Variants in DYDC2 observed in about 807,000 individuals in gnomAD.
The protein encoded by DYDC2 is DPY30 domain-containing protein 2.
DYDC2 carries 19 observed loss-of-function variants against 18.7 expected under a neutral mutation model. The observed-to-expected ratio is 1.02, with a 90% CI of 0.71 to 1.49. The LOEUF (loss-of-function observed/expected upper bound fraction) is 1.49, where lower values mean the gene tolerates loss of function less well. DYDC2 is among the 40% of genes most tolerant of loss of function. The pLI, the probability that DYDC2 is intolerant of heterozygous loss-of-function variation, is 0.00. For missense variants in DYDC2, 179 were observed against 205.1 expected, an observed-to-expected ratio of 0.87 and a Z score of 0.78; for synonymous variants, 63 against 67.6, an observed-to-expected ratio of 0.93 and a Z score of 0.34.
chr10:80,350,079 G>A (rs1025870095), intron 1 of DYDC2, among the ~76,000 whole-genome samples: 12 of 152,086 alleles, frequency 7.9e-5, no homozygotes, highest in Non-Finnish European at 1.5e-4. Flanking sequence ...ACTCTCTCAA[G>A]CCTTTCTCTG....
rs1843689882 is a variant in DYDC2 at position 80,362,437 on chromosome 10, T to C, written c.-7T>C. 1 of 1,610,150 alleles carries C rather than the reference T, an allele frequency of 6.2e-7. No individual in the cohort carries two copies. Reference sequence around the variant, plus strand: ...GACTTTGTTTTGATGTTTTCCAGGCTGCCAGGATGGAAACTAACTACCTGA... The same window carrying C: ...GACTTTGTTTTGATGTTTTCCAGGCCGCCAGGATGGAAACTAACTACCTGA... On this transcript the variant is annotated splice_region_variant and 5_prime_UTR_variant, in exon 3 of 5. Coordinates refer to ENST00000256039, the MANE Select transcript of DYDC2 (RefSeq NM_032372.6).
At position 80,362,990 on chromosome 10, in the gene DYDC2, A is replaced by C. The variant is rs748217257; in HGVS notation, c.187A>C (p.Ser63Arg). Residue 63 changes from serine to arginine, a missense_variant, in exon 4 of 5, where the codon AGT becomes CGT. By Grantham distance (110) the Ser-to-Arg change is moderately radical. Transcript: ENST00000256039. ...GATCCACCTGCAGGAGGAATATGAC[A>C]GTAGCCTCAAGGAAATGGAAATGAC... is the stretch of plus-strand genomic sequence containing the variant. The part of the protein sequence containing the change: ...KKIHLQEEYD[S>R]SLKEMEMTEM... 2 of 1,614,072 alleles carry C rather than the reference A, an allele frequency of 1.2e-6. No homozygotes were observed. The highest frequency in any genetic ancestry group is 1.7e-6 in the Non-Finnish European group (2 of 1,180,006).
upstream of DYDC2, chr10:80,356,441 A>G (rs903764468): frequency 7.1e-6 from 7 of 984,960 alleles, no homozygotes; most frequent in Admixed American, 6.2e-5. Flanking sequence ...GTATCTGGCA[A>G]CCTCCCGGGG....
At chr10:80,364,798 G>A (rs1004704801) in intron 4 of DYDC2, among the ~76,000 whole-genome samples, 1 of 152,164 alleles carries the variant, frequency 6.6e-6, no homozygotes, top group African/African-American at 2.4e-5. Context: ...GAAATAAAGA[G>A]AACCCAAGAG....
chr10:80,362,857 G>A, intron 3 of DYDC2, 94 bp from the exon 4 acceptor site: 4 of 1,485,866 alleles, frequency 2.7e-6, no homozygotes, highest in East Asian at 2.3e-5. Flanking sequence ...CAGGCCCAAA[G>A]AGCCCACAGC....
chr10:80,345,762 C>T (rs1160614934), intron 1 of DYDC2, among the ~76,000 whole-genome samples: 1 of 152,056 alleles, frequency 6.6e-6, no homozygotes, highest in African/African-American at 2.4e-5. Flanking sequence ...AATGGCAGGA[C>T]CTACTTCTTT....
chr10:80,352,312 T>C, upstream of DYDC2: 1 of 1,230,368 alleles, frequency 8.1e-7, no homozygotes, highest in Non-Finnish European at 1.1e-6. Flanking sequence ...GTTTTCTCCT[T>C]CCTGCTTTTC....
chr10:80,346,967 C>T (rs988212448), intron 1 of DYDC2, among the ~76,000 whole-genome samples: 3 of 151,932 alleles, frequency 2.0e-5, no homozygotes, highest in Admixed American at 6.6e-5. Flanking sequence ...GTAATCCCAG[C>T]TACTCAGGAG....
upstream of DYDC2, chr10:80,356,685 C>G: frequency 1.0e-6 from 1 of 984,126 alleles, no homozygotes; most frequent in Non-Finnish European, 1.2e-6. Context: ...ATCCCAAAAA[C>G]AGTTCGGGCC....
intron 1 of DYDC2, among the ~76,000 whole-genome samples, chr10:80,357,319 G>A (rs898768259): frequency 1.1e-4 from 17 of 151,970 alleles, no homozygotes; most frequent in African/African-American, 4.1e-4. Flanking sequence ...TGCTCGTGAG[G>A]GGTCGAGGAA....
chr10:80,345,833 A>G (rs763956902), intron 1 of DYDC2, among the ~76,000 whole-genome samples: 5 of 152,186 alleles, frequency 3.3e-5, no homozygotes, highest in African/African-American at 7.2e-5. Context: ...TGTGAGATAT[A>G]TATATACAAG....
rs765892431 is a variant in DYDC2 at position 80,366,743 on chromosome 10, C to A, written c.326C>A (p.Thr109Lys). The A allele has an allele frequency of 6.8e-6, 11 of 1,613,938 alleles. No homozygotes were observed. The highest frequency in any genetic ancestry group is 1.3e-5 in the African/African-American group (1 of 74,906). Reference sequence around the variant, plus strand: ...AAGACCATATTCATGCAGGAGGACACAAACCCCCTTGAGAAGGAGGCCTTG... The same window carrying A: ...AAGACCATATTCATGCAGGAGGACAAAAACCCCCTTGAGAAGGAGGCCTTG... ...TKKTIFMQED[T>K]NPLEKEALKQ... The change falls in exon 5 of 5, where the codon ACA (threonine) becomes AAA (lysine). Residue 109 changes from threonine (T) to lysine (K), a missense_variant. Transcript: ENST00000256039.
At position 80,350,567 on chromosome 10, in the gene DYDC2, G is replaced by A. The variant is rs76326081; in HGVS notation, c.-309-5730G>A. ...AAAATGAAGACTCAGAAGGAGTAGA[G>A]TTTTCAACAGCCCTATCCTTCTAAG... is the stretch of plus-strand genomic sequence containing the variant. On this transcript the variant is annotated intron_variant, in intron 1 of 4. Transcript: ENST00000372197. 7.1e-3 allele frequency among the ~76,000 whole-genome samples: 1,078 copies of A among 152,272 alleles called. 10 individuals are homozygous for A. Among genetic ancestry groups the A allele is most frequent in the African/African-American group, 0.024 (1,017 of 41,550 alleles).
chr10:80,363,406 G>A (rs1054386399), intron 4 of DYDC2, among the ~76,000 whole-genome samples: 2 of 134,888 alleles, frequency 1.5e-5, no homozygotes, highest in Non-Finnish European at 3.0e-5. Context: ...GCACAGTGGA[G>A]CGATCTCGTC....
At chr10:80,352,171 G>A (rs1054242111), upstream of DYDC2, among the ~76,000 whole-genome samples, 3 of 152,130 alleles carry the variant, frequency 2.0e-5, no homozygotes, top group African/African-American at 7.2e-5. Context: ...TCTGAATAAT[G>A]AGCACAATAT....
intron 4 of DYDC2, among the ~76,000 whole-genome samples, chr10:80,364,313 C>CT (rs1843759410): frequency 2.0e-5 from 3 of 152,306 alleles, no homozygotes; most frequent in African/African-American, 7.2e-5. Flanking sequence ...AAGGAACTCT[C>CT]CCTCAGGAAG....
rs192004979 is a variant in DYDC2 at position 80,358,185 on chromosome 10, C to T, written c.-10+140C>T. On this transcript the variant is annotated intron_variant, in intron 2 of 4. Transcript: ENST00000256039. The stretch of plus-strand genomic sequence containing the variant: ...CTGAGGTGAGGAATTCAAAACCAGC[C>T]TGGCCAACATGGAGAAACCCCATCT... 64 of 495,572 alleles carry T rather than the reference C, an allele frequency of 1.3e-4. 2 individuals are homozygous for T. The highest frequency in any genetic ancestry group is 1.3e-3 in the African/African-American group (61 of 47,822). The allele number at this position is 495,572 out of a possible 1,614,324, so 30.7% of individuals were successfully genotyped here. A position where few individuals can be genotyped will look rare whatever the true frequency, so the allele number is the denominator to read the frequency against.
upstream of DYDC2, chr10:80,356,709 C>CA: frequency 1.0e-6 from 1 of 984,178 alleles, no homozygotes; most frequent in Non-Finnish European, 1.2e-6. Context: ...CCGGTGCGCT[C>CA]ACCCCTACAC....
intron 3 of DYDC2, 63 bp from the exon 4 acceptor site, chr10:80,362,888 G>A: frequency 1.9e-6 from 3 of 1,573,862 alleles, no homozygotes; most frequent in Non-Finnish European, 2.6e-6. Context: ...CCCCAGTGAG[G>A]GGGCCCCGTT....
Sources: gnomAD v4.1 joint callset for allele counts (sites outside exome capture counted in the v4.1 genomes callset) on GRCh38, gnomAD v4.1.1 for gene constraint, MANE v1.5 for transcripts, NCBI Gene and HGNC (gene_info 2026-07-23, HGNC 2026-07-21) for gene names.